EMC1: variants seen among roughly 807,000 people sequenced by gnomAD.
The protein encoded by EMC1 is KIAA0090.
In EMC1, 103 loss-of-function variants were observed where a neutral mutation model predicts 128.8. The observed-to-expected ratio is 0.80, with a 90% CI of 0.68 to 0.94. EMC1 has a LOEUF of 0.94. EMC1 is among the 40% of genes least tolerant of loss of function. EMC1 has a pLI of 0.00. For missense variants in EMC1, 1,083 were observed against 1,250.6 expected, an observed-to-expected ratio of 0.87 and a Z score of 2.02; for synonymous variants, 442 against 490.4, an observed-to-expected ratio of 0.90 and a Z score of 1.30.
At chr1:19,221,221 T>C (rs1367682726) in intron 20 of EMC1, 1 of 178,676 alleles carries the variant, frequency 5.6e-6, no homozygotes. Flanking sequence ...CAGCTGTTCA[T>C]GCAGCTGCGG....
rs2093571670 is a variant in EMC1, at chr1:19,237,190, C to G, written c.1261G>C (p.Ala421Pro). 1 of 1,613,932 alleles carries G rather than the reference C, an allele frequency of 6.2e-7. No homozygotes were observed. ...LKKDDSVGYR[A>P]LVQTEDHLLL... ...AGATGATCCTCTGTCTGCACCAAAG[C>G]CCGGTAGCCCACTGAGTCATCCTTC... Residue 421 changes from alanine (A) to proline (P), a missense_variant, in exon 12 of 23, where the codon GCT becomes CCT. Ala to Pro is a conservative substitution (Grantham distance 27, BLOSUM62 -1). Transcript: ENST00000477853.
At position 19,218,216 on chromosome 1, in the gene EMC1, A is replaced by G. The variant is rs1261949119; in HGVS notation, c.*1087T>C. On this transcript the variant is annotated 3_prime_UTR_variant, in exon 23 of 23. Coordinates refer to ENST00000477853, the MANE Select transcript of EMC1 (RefSeq NM_015047.3). ...CTGTCATTCCCCAACTCTATGACCA[A>G]GGAAAACTTTTAGGATTTCTTTAAT... 6.6e-6 allele frequency: 1 copy of G among 152,266 alleles called. No homozygotes were observed. Among genetic ancestry groups the G allele is most frequent in the African/African-American group, 2.4e-5 (1 of 41,476 alleles). 9.4% of individuals were successfully genotyped at this position (152,266 alleles called of 1,614,324 possible).
At position 19,237,162 on chromosome 1, in the gene EMC1, A is replaced by G; in HGVS notation, c.1289T>C (p.Leu430Pro). 1 of 1,613,814 alleles carries G rather than the reference A, an allele frequency of 6.2e-7. No homozygotes were observed. The highest frequency in any genetic ancestry group is 8.5e-7 in the Non-Finnish European group (1 of 1,179,766). Residue 430 changes from leucine to proline, a missense_variant, in exon 12 of 23, where the codon CTA (leucine) becomes CCA (proline). Physicochemically the swap from Leu to Pro is moderately conservative, Grantham distance 98. Around this residue, in one of 3 missense-constraint regions of EMC1, gnomAD observed 544 missense variants for 572.4 expected, o/e 0.95. Transcript: ENST00000477853. ...CTTACCCAACTGCTGCAGGAAAAGT[A>G]GCAGATGATCCTCTGTCTGCACCAA... ...RALVQTEDHL[L>P]LFLQQLAGKV...
chr1:19,231,344 G>A lies in EMC1; in HGVS notation c.1861C>T (p.Arg621Cys), dbSNP rs116784512. The A allele has an allele frequency of 9.2e-4, 1,487 of 1,611,946 alleles. 8 individuals carry two copies. In the African/African-American group the frequency reaches 0.017, roughly 18 times the overall value. Residue 621 changes from arginine to cysteine, a missense_variant, in exon 16 of 23, where the codon CGC becomes TGC. Coordinates refer to ENST00000477853, the MANE Select transcript of EMC1 (RefSeq NM_015047.3). Reference sequence around the variant, plus strand: ...AGAAGCAAGGACTGCAAGATGGGGCGCTTCAGCACTGGGGGAGCTACCTGA... The same window carrying A: ...AGAAGCAAGGACTGCAAGATGGGGCACTTCAGCACTGGGGGAGCTACCTGA... Reference protein sequence around the residue: ...WSQVAPPVLKRPILQSLLLPV... With the variant: ...WSQVAPPVLKCPILQSLLLPV...
chr1:19,223,318 C>A, intron 19 of EMC1, 78 bp downstream of exon 19: 1 of 1,345,424 alleles, frequency 7.4e-7, no homozygotes, highest in Non-Finnish European at 1.0e-6. Flanking sequence ...ACCAAAGCAG[C>A]AACTGGGTTT....
chr1:19,244,488 T>C lies in EMC1; in HGVS notation c.220+418A>G, dbSNP rs1389232097. ...GTGAACTGGCATGATCACAGCTCAC[T>C]GCAGCCTCAACCTGCTGGGCTCAAG... On this transcript the variant is annotated intron_variant, in intron 2 of 22. Coordinates refer to ENST00000477853, the MANE Select transcript of EMC1 (RefSeq NM_015047.3). The C allele has an allele frequency of 1.2e-5, 3 of 253,410 alleles. No homozygotes were observed. In the Admixed American group the frequency reaches 1.5e-4, roughly 13 times the overall value. 15.7% of individuals were successfully genotyped at this position (253,410 alleles called of 1,614,324 possible).
At chr1:19,220,894 A>C (rs747070787) in intron 20 of EMC1, 46 bp from the exon 21 acceptor site, 1 of 1,386,452 alleles carries the variant, frequency 7.2e-7, no homozygotes, top group South Asian at 1.2e-5. Flanking sequence ...GTGTCCAGCA[A>C]GGGCCAGTTA....
intron 13 of EMC1, among the ~76,000 whole-genome samples, chr1:19,233,743 G>C (rs562413800): frequency 6.6e-6 from 1 of 152,170 alleles, no homozygotes; most frequent in Non-Finnish European, 1.5e-5. Flanking sequence ...AGGAAGCAAG[G>C]TAAAGAGCAT....
In EMC1 at chr1:19,231,780, G is replaced by A. The variant is rs147695997; in HGVS notation, c.1783-358C>T. ...GGACTACAGGCACAAACCACCACAC[G>A]TGGCTAATTCTGTTTTTATTTTTTG... On this transcript the variant is annotated intron_variant, in intron 15 of 22. Coordinates refer to ENST00000477853, the MANE Select transcript of EMC1 (RefSeq NM_015047.3). Among the ~76,000 whole-genome samples, 111 of 152,130 alleles carry A rather than the reference G, an allele frequency of 7.3e-4. 1 individual carries two copies. Among genetic ancestry groups the A allele is most frequent in the African/African-American group, 2.6e-3 (106 of 41,534 alleles).
intron 18 of EMC1, among the ~76,000 whole-genome samples, chr1:19,224,619 G>A (rs1019355706): frequency 2.6e-5 from 4 of 152,130 alleles, no homozygotes; most frequent in Admixed American, 2.6e-4. Flanking sequence ...ATCAGCACCT[G>A]GATGACCCCA....
chr1:19,244,761 T>C (rs889535322), intron 2 of EMC1, 145 bp downstream of exon 2: 5 of 852,406 alleles, frequency 5.9e-6, no homozygotes, highest in Admixed American at 2.6e-5. Flanking sequence ...ATGGTAAGAC[T>C]GAAAAAAAAA....
At chr1:19,228,782 T>G (rs1489939287) in intron 17 of EMC1, among the ~76,000 whole-genome samples, 2 of 152,142 alleles carry the variant, frequency 1.3e-5, no homozygotes, top group South Asian at 2.1e-4. Flanking sequence ...CCGGGCGTGG[T>G]GGCTCACACC....
chr1:19,240,547 A>G, intron 6 of EMC1, 101 bp from the exon 7 acceptor site: 1 of 1,343,816 alleles, frequency 7.4e-7, no homozygotes, highest in South Asian at 1.3e-5. Context: ...TGGGGGTCCT[A>G]AGCTCAAAGG....
In EMC1 at chr1:19,220,755, G is replaced by A; in HGVS notation, c.2672+9C>T. The A allele has an allele frequency of 6.2e-7, 1 of 1,609,622 alleles. No homozygotes were observed. The stretch of plus-strand genomic sequence containing the variant: ...TCAGAGCCTTCAGCACTGCCCATGA[G>A]GGTCTCACCTGCTTTGTTCTGTTGG... On this transcript the variant is annotated intron_variant, in intron 21 of 22. Coordinates refer to ENST00000477853, the MANE Select transcript of EMC1 (RefSeq NM_015047.3).
intron 2 of EMC1, 73 bp downstream of exon 2, chr1:19,244,833 G>T: frequency 6.4e-7 from 1 of 1,567,752 alleles, no homozygotes; most frequent in Middle Eastern, 1.8e-4. Context: ...TCAGGAATCA[G>T]CCAGGCAGAG....
At chr1:19,225,849 A>G (rs896309317) in intron 18 of EMC1, among the ~76,000 whole-genome samples, 1 of 152,040 alleles carries the variant, frequency 6.6e-6, no homozygotes, top group Non-Finnish European at 1.5e-5. Flanking sequence ...AATAGCACTA[A>G]TAATAATGTT....
Position 19,223,570 on chromosome 1 carries a change from C to G in EMC1, c.2203-1G>C. ...CGGCCAGCAGGTTGGGGTTCAGGCT[C>G]TGGAGAGAGAGAGAAAACCTCCCTT... On this transcript the variant is annotated splice_acceptor_variant, in intron 18 of 22. Transcript: ENST00000477853. LOFTEE classifies it high-confidence loss of function. 6.2e-7 allele frequency: 1 copy of G among 1,613,668 alleles called. No homozygotes were observed. Among genetic ancestry groups the G allele is most frequent in the Non-Finnish European group, 8.5e-7 (1 of 1,179,976 alleles).
chr1:19,239,157 T>G (rs866886595), intron 9 of EMC1, 74 bp downstream of exon 9: 2 of 1,413,198 alleles, frequency 1.4e-6, no homozygotes, highest in African/African-American at 2.8e-5. Context: ...GTGCCCAGAC[T>G]TCTGATTTTC....
intron 19 of EMC1, 106 bp from the exon 20 acceptor site, chr1:19,222,940 G>A (rs2093443411): frequency 2.5e-6 from 2 of 805,366 alleles, no homozygotes; most frequent in Non-Finnish European, 3.9e-6. Flanking sequence ...CCATGAAGGA[G>A]AACCATCAAC....
Sources: allele counts gnomAD v4.1 joint callset (sites outside exome capture counted in the v4.1 genomes callset), GRCh38; gene constraint gnomAD v4.1.1; regional missense constraint gnomAD v4.1.1; transcripts MANE v1.5; gene names NCBI Gene and HGNC (gene_info 2026-07-23, HGNC 2026-07-21).